The following GABBR2 variants were observed in gnomAD, a reference collection of about 807,000 sequenced individuals.
GABBR2 encodes the protein G-protein coupled receptor 51.
In GABBR2, 23 loss-of-function variants were observed where a neutral mutation model predicts 105.6. The observed-to-expected ratio is 0.22, with a 90% CI of 0.16 to 0.31. GABBR2 has a LOEUF of 0.31. Ranked by LOEUF, GABBR2 falls within the 10% of genes least tolerant of loss-of-function variation. The pLI, the probability that GABBR2 is intolerant of heterozygous loss-of-function variation, is 1.00. For missense variants in GABBR2, 734 were observed against 1,245.5 expected (o/e 0.59, Z 6.18); for synonymous variants, 478 against 499.7 (o/e 0.96, Z 0.58).
rs1039082834 is a variant in GABBR2 at position 98,708,289 on chromosome 9, C to T, written c.321+128G>A. On this transcript the variant is annotated intron_variant, in intron 1 of 18. Transcript: ENST00000259455. Reference sequence around the variant, plus strand: ...CGGGGGTGAACACTGGGCACCAGCCCTCTCTGCCCTCGGCAGGCGCGGGCC... The same window carrying T: ...CGGGGGTGAACACTGGGCACCAGCCTTCTCTGCCCTCGGCAGGCGCGGGCC... 14 of 988,984 alleles carry T rather than the reference C, an allele frequency of 1.4e-5. No homozygotes were observed. In the African/African-American group the frequency reaches 2.3e-4, roughly 17 times the overall value. 61.3% of individuals were successfully genotyped at this position (988,984 alleles called of 1,614,324 possible).
chr9:98,545,711 A>G (rs58087887), intron 2 of GABBR2, among the ~76,000 whole-genome samples: 4,143 of 152,276 alleles, frequency 0.027, 198 homozygotes, highest in African/African-American at 0.094. Context: ...GCCCCGAAAT[A>G]AGATATCAAA....
chr9:98,460,808 C>T (rs1234361328), intron 6 of GABBR2, among the ~76,000 whole-genome samples: 1 of 122,502 alleles, frequency 8.2e-6, no homozygotes, highest in African/African-American at 2.5e-5. Context: ...GCTCTATGAA[C>T]TCCAGGCAAG....
At chr9:98,606,482 TC>T (rs1342187461) in intron 1 of GABBR2, among the ~76,000 whole-genome samples, 10 of 95,474 alleles carry the variant, frequency 1.0e-4, no homozygotes, top group East Asian at 6.4e-4. Flanking sequence ...CTTTTTTTTT[TC>T]TTTTTTTTTT....
At chr9:98,688,394 C>CATATATATATATATATATATATATAT (rs34589145) in intron 1 of GABBR2, among the ~76,000 whole-genome samples, 173 of 140,454 alleles carry the variant, frequency 1.2e-3, no homozygotes, top group African/African-American at 4.1e-3. Context: ...TATGTGGTTT[C>CATATATATATATATATATATATATAT]ATATATATAT....
chr9:98,659,056 C>T (rs1430427581), intron 1 of GABBR2, among the ~76,000 whole-genome samples: 1 of 152,182 alleles, frequency 6.6e-6, no homozygotes, highest in Admixed American at 6.5e-5. Flanking sequence ...ATTTTCTCAG[C>T]CAAGAAAAAC....
intron 3 of GABBR2, among the ~76,000 whole-genome samples, chr9:98,524,201 T>C (rs973591338): frequency 4.6e-5 from 7 of 152,222 alleles, no homozygotes; most frequent in South Asian, 2.1e-4. Flanking sequence ...CCTGGATGGT[T>C]TCATAGACAC....
At chr9:98,319,743 G>C (rs969326943) in intron 13 of GABBR2, among the ~76,000 whole-genome samples, 2 of 152,140 alleles carry the variant, frequency 1.3e-5, no homozygotes, top group Non-Finnish European at 2.9e-5. Context: ...TATAGGTGGA[G>C]AAACGCAGGC....
chr9:98,421,435 C>T (rs1412840331), intron 7 of GABBR2, among the ~76,000 whole-genome samples: 2 of 152,136 alleles, frequency 1.3e-5, no homozygotes, highest in Non-Finnish European at 2.9e-5. Context: ...TGTACTCATT[C>T]AGGAATAAAA....
At chr9:98,392,440 C>A (rs889756339) in intron 9 of GABBR2, among the ~76,000 whole-genome samples, 2 of 152,200 alleles carry the variant, frequency 1.3e-5, no homozygotes, top group Non-Finnish European at 2.9e-5. Flanking sequence ...TGGGGTGTCA[C>A]CCTTGAGGTA....
At chr9:98,543,818 T>C (rs1424033955) in intron 2 of GABBR2, among the ~76,000 whole-genome samples, 1 of 152,224 alleles carries the variant, frequency 6.6e-6, no homozygotes, top group Admixed American at 6.5e-5. Context: ...CTAATTTTTC[T>C]CCCAGTTTGT....
chr9:98,670,431 GC>G (rs1175854562), intron 1 of GABBR2, among the ~76,000 whole-genome samples: 2 of 152,186 alleles, frequency 1.3e-5, no homozygotes, highest in Non-Finnish European at 2.9e-5. Context: ...AAACAATATG[GC>G]GGTTCCCCCC....
intron 1 of GABBR2, among the ~76,000 whole-genome samples, chr9:98,674,638 A>G (rs1474046589): frequency 6.6e-6 from 1 of 152,166 alleles, no homozygotes; most frequent in African/African-American, 2.4e-5. Context: ...AAGAGGTGAG[A>G]TGCCCACACA....
chr9:98,462,346 C>A (rs984561701), intron 6 of GABBR2, among the ~76,000 whole-genome samples: 2 of 151,954 alleles, frequency 1.3e-5, no homozygotes, highest in Non-Finnish European at 1.5e-5. Context: ...CAAAATACAT[C>A]GAGAGTGAAA....
intron 1 of GABBR2, among the ~76,000 whole-genome samples, chr9:98,639,138 T>C (rs1323140238): frequency 6.6e-6 from 1 of 152,192 alleles, no homozygotes; most frequent in Non-Finnish European, 1.5e-5. Flanking sequence ...GGCCCTCCTT[T>C]CCTCCTTCCA....
At chr9:98,615,201 A>T (rs1239770413) in intron 1 of GABBR2, among the ~76,000 whole-genome samples, 1 of 152,168 alleles carries the variant, frequency 6.6e-6, no homozygotes, top group Non-Finnish European at 1.5e-5. Flanking sequence ...GCAGGATGCG[A>T]GACACACTAG....
intron 11 of GABBR2, among the ~76,000 whole-genome samples, chr9:98,372,184 C>T (rs1226609675): frequency 6.6e-6 from 1 of 152,326 alleles, no homozygotes; most frequent in East Asian, 1.9e-4. Context: ...CAGGAGCCTA[C>T]AACTTGGATC....
In GABBR2 at chr9:98,371,551, G is replaced by A. The variant is rs765193434; in HGVS notation, c.1683C>T (p.Thr561=). ...CCCCAAAAGCGGTCGTGTAGCCCAC[G>A]GTGAGAATCCAGGTCCTGACCTAGA... ...TLCTVRTWIL[T]VGYTTAFGAM... is the part of the protein sequence containing the mutation. Residue 561 remains threonine, a synonymous_variant, in exon 12 of 19, where the codon ACC becomes ACT. Transcript: ENST00000259455. 1.9e-5 allele frequency: 31 copies of A among 1,607,924 alleles called. No homozygotes were observed. The highest frequency in any genetic ancestry group is 7.7e-5 in the South Asian group (7 of 90,962).
At chr9:98,329,623 T>C (rs1291743298) in intron 13 of GABBR2, among the ~76,000 whole-genome samples, 1 of 152,232 alleles carries the variant, frequency 6.6e-6, no homozygotes, top group African/African-American at 2.4e-5. Flanking sequence ...ATCTCGGCCC[T>C]GCCCTTCGGG....
chr9:98,408,636 G>A (rs540362554), intron 7 of GABBR2, among the ~76,000 whole-genome samples: 2 of 152,314 alleles, frequency 1.3e-5, no homozygotes, highest in East Asian at 1.9e-4. Flanking sequence ...CTGCGTGCTC[G>A]ATACCCTTCT....
Sources: gnomAD v4.1 joint callset for allele counts (sites outside exome capture counted in the v4.1 genomes callset) on GRCh38, gnomAD v4.1.1 for gene constraint, MANE v1.5 for transcripts, NCBI Gene and HGNC (gene_info 2026-07-23, HGNC 2026-07-21) for gene names.